ACYP1: variants seen among roughly 807,000 people sequenced by gnomAD.
ACYP1 encodes the protein acylphosphatase-1.
Under a neutral mutation model 10.4 loss-of-function variants are expected in ACYP1, and 8 were observed. That is an observed-to-expected ratio of 0.77 (90% CI 0.45 to 1.38). The LOEUF is 1.38. ACYP1 is among the 40% of genes most tolerant of loss of function. The probability of loss-of-function intolerance (pLI) is 0.00; values close to 1 mark genes in which losing one functional copy is unlikely to be tolerated. For missense variants in ACYP1, 93 were observed against 117.3 expected, an observed-to-expected ratio of 0.79 and a Z score of 0.96; for synonymous variants, 38 against 40.8, an observed-to-expected ratio of 0.93 and a Z score of 0.26.
chr14:75,067,541 G>A (rs1893163211), upstream of ACYP1, among the ~76,000 whole-genome samples: 1 of 152,206 alleles, frequency 6.6e-6, no homozygotes, highest in African/African-American at 2.4e-5. Flanking sequence ...AGCAAATGTG[G>A]AGATTTCCAT....
intron 2 of ACYP1, among the ~76,000 whole-genome samples, chr14:75,061,435 A>T (rs1319870165): frequency 6.6e-6 from 1 of 152,248 alleles, no homozygotes; most frequent in East Asian, 1.9e-4. Flanking sequence ...ATGAACATAT[A>T]TATTTAAATG....
intron 2 of ACYP1, among the ~76,000 whole-genome samples, chr14:75,054,955 G>A (rs566932740): frequency 2.6e-5 from 4 of 151,390 alleles, no homozygotes; most frequent in African/African-American, 9.8e-5. Flanking sequence ...CAGGGGAGCT[G>A]ACTATCTCCA....
intron 2 of ACYP1, among the ~76,000 whole-genome samples, chr14:75,056,187 T>C (rs537562466): frequency 1.4e-4 from 21 of 150,952 alleles, no homozygotes; most frequent in Non-Finnish European, 2.8e-4. Flanking sequence ...CTACCAAATG[T>C]TTAAAAAAAA....
chr14:75,064,275 T>G (rs1387656437), upstream of ACYP1: 1 of 152,504 alleles, frequency 6.6e-6, no homozygotes, highest in Non-Finnish European at 1.5e-5. Flanking sequence ...CATTTTCTCA[T>G]GAGGAGAAAG....
chr14:75,064,159 T>C (rs1893102366), upstream of ACYP1: 2 of 410,584 alleles, frequency 4.9e-6, no homozygotes, highest in South Asian at 2.0e-4. Flanking sequence ...GACGCGGTTG[T>C]CCGGCAACCC....
chr14:75,061,645 A>G (rs1404863568), intron 2 of ACYP1: 1 of 1,454,566 alleles, frequency 6.9e-7, no homozygotes, highest in African/African-American at 1.4e-5. Flanking sequence ...CTAATCTTTG[A>G]AGCTGTTATC....
rs770529587 is a variant in ACYP1 at position 75,063,470 on chromosome 14, C to T, written c.84G>A (p.Gln28=). Residue 28 remains glutamine, a splice_region_variant and synonymous_variant, in exon 2 of 3, where the codon CAG becomes CAA. Transcript: ENST00000238618. ...ACCCCAAAGCCTGCAGGCCACATAC[C>T]TGAGTATGCTTACGGAAAAACACCC... ...VQGVFFRKHT[Q]AEGKKLGLVG... is the part of the protein sequence containing the mutation. 5.0e-6 allele frequency: 8 copies of T among 1,613,226 alleles called. No homozygotes were observed. Among genetic ancestry groups the T allele is most frequent in the Non-Finnish European group, 6.8e-6 (8 of 1,179,522 alleles).
exon 1 of ACYP1, chr14:75,069,480 G>A (rs992521759): frequency 1.6e-5 from 8 of 497,034 alleles, no homozygotes; most frequent in Admixed American, 4.1e-5. Flanking sequence ...AGAGTTGGCC[G>A]GACACTGACT....
rs568903097 is a variant in ACYP1, at chr14:75,055,067, T to C, written c.85-1408A>G. ...AAATCTTTAAAAATTTGCAATGTGA[T>C]TTATCTGAACTCTTTTTTTTTTTTT... On this transcript the variant is annotated intron_variant, in intron 2 of 2. Transcript: ENST00000238618. 1.0e-4 allele frequency among the ~76,000 whole-genome samples: 15 copies of C among 148,460 alleles called. 1 individual carries two copies. In the East Asian group the frequency reaches 2.8e-3, roughly 27 times the overall value.
upstream of ACYP1, among the ~76,000 whole-genome samples, chr14:75,067,181 CTACA>C (rs1893155672): frequency 1.1e-5 from 1 of 87,972 alleles, no homozygotes; most frequent in African/African-American, 4.4e-5. Context: ...ATGTCTGGAA[CTACA>C]CACACACACA....
At chr14:75,057,293 A>G (rs1458294456) in intron 2 of ACYP1, among the ~76,000 whole-genome samples, 1 of 151,598 alleles carries the variant, frequency 6.6e-6, no homozygotes, top group Non-Finnish European at 1.5e-5. Context: ...AAATTTAACA[A>G]AAGAATTGCA....
chr14:75,068,213 C>A (rs565881277), upstream of ACYP1, among the ~76,000 whole-genome samples: 2 of 152,032 alleles, frequency 1.3e-5, no homozygotes, highest in Non-Finnish European at 2.9e-5. Context: ...ATCACTTGAA[C>A]CCAGGAGGCA....
intron 2 of ACYP1, among the ~76,000 whole-genome samples, chr14:75,058,454 A>T (rs572424038): frequency 2.6e-4 from 39 of 151,364 alleles, no homozygotes; most frequent in Admixed American, 6.6e-4. Context: ...CGTTTCAAAA[A>T]AAATAAATAA....
At chr14:75,057,022 G>A (rs1014668198) in intron 2 of ACYP1, among the ~76,000 whole-genome samples, 2 of 151,600 alleles carry the variant, frequency 1.3e-5, no homozygotes, top group African/African-American at 4.9e-5. Flanking sequence ...TCCACAGCAG[G>A]AGAAAGAAAA....
chr14:75,063,941 C>T lies in ACYP1; in HGVS notation c.-9+13G>A. ...ACCTGAGAAGCACACCCTGGGGGCCCCTGGCGGCTCACCCTCCTTGTCTTC... is the reference window on the plus strand; with the variant it reads ...ACCTGAGAAGCACACCCTGGGGGCCTCTGGCGGCTCACCCTCCTTGTCTTC... On this transcript the variant is annotated intron_variant, in intron 1 of 2. Coordinates refer to ENST00000238618, the MANE Select transcript of ACYP1 (RefSeq NM_001107.5). 1.0e-6 allele frequency: 1 copy of T among 1,000,720 alleles called. No homozygotes were observed. The highest frequency in any genetic ancestry group is 1.2e-6 in the Non-Finnish European group (1 of 838,468). The allele number at this position is 1,000,720 out of a possible 1,614,324, so 62.0% of individuals were successfully genotyped here. A position where few individuals can be genotyped will look rare whatever the true frequency, so the allele number is the denominator to read the frequency against.
In ACYP1 at chr14:75,063,993, G is replaced by C. The variant is rs1406150205; in HGVS notation, c.-48C>G. 2 of 992,036 alleles carry C rather than the reference G, an allele frequency of 2.0e-6. No individual in the cohort carries two copies. Among genetic ancestry groups the C allele is most frequent in the Non-Finnish European group, 1.2e-6 (1 of 833,654 alleles). The allele number at this position is 992,036 out of a possible 1,614,324, so 61.5% of individuals were successfully genotyped here. ...CCACCGGCTGCCAGGATCACTCCGG[G>C]ACCACCACGCCAACGGCTCACCAAG... is the stretch of plus-strand genomic sequence containing the variant. On this transcript the variant is annotated 5_prime_UTR_variant, in exon 1 of 3. Coordinates refer to ENST00000238618, the MANE Select transcript of ACYP1 (RefSeq NM_001107.5).
At chr14:75,062,101 CAAAAAAAAAA>C (rs35401825) in intron 2 of ACYP1, among the ~76,000 whole-genome samples, 6 of 59,736 alleles carry the variant, frequency 1.0e-4, no homozygotes, top group South Asian at 1.3e-3. Context: ...AACTCTGTCT[CAAAAAAAAAA>C]AAAAAAAAAA....
chr14:75,064,263 C>T (rs951792504), upstream of ACYP1: 1 of 152,628 alleles, frequency 6.6e-6, no homozygotes, highest in African/African-American at 2.4e-5. Flanking sequence ...CAACCCTCTT[C>T]TCATTTTCTC....
chr14:75,067,788 G>A (rs1045760853), upstream of ACYP1, among the ~76,000 whole-genome samples: 1 of 151,854 alleles, frequency 6.6e-6, no homozygotes, highest in Non-Finnish European at 1.5e-5. Context: ...GACTCCAGGG[G>A]TTTGAGACCA....
Sources: allele counts gnomAD v4.1 joint callset (sites outside exome capture counted in the v4.1 genomes callset), GRCh38; gene constraint gnomAD v4.1.1; transcripts MANE v1.5; gene names NCBI Gene and HGNC (gene_info 2026-07-23, HGNC 2026-07-21).